Variants in NGF observed in about 807,000 individuals in gnomAD.
The protein encoded by NGF is nerve growth factor, also known as beta-nerve growth factor.
Under a neutral mutation model 12.8 loss-of-function variants are expected in NGF, and 4 were observed. The ratio of observed to expected loss-of-function variants is 0.31; its 90% CI spans 0.15 to 0.72. NGF has a LOEUF of 0.72. Among genes scored for constraint, NGF ranks in the 30% least tolerant of loss-of-function variants. The pLI is 0.69. For synonymous variants in NGF, 140 were observed against 130.0 expected, an observed-to-expected ratio of 1.08 and a Z score of -0.52; for missense variants, 283 against 330.8, an observed-to-expected ratio of 0.86 and a Z score of 1.12.
At chr1:115,290,954 T>G (rs1049030036) in intron 2 of NGF, among the ~76,000 whole-genome samples, 1 of 152,218 alleles carries the variant, frequency 6.6e-6, no homozygotes, top group Non-Finnish European at 1.5e-5. Context: ...ATTCTTTCAT[T>G]TCAGGTAATT....
rs151108144 is a variant in NGF at position 115,302,140 on chromosome 1, C to G, written c.-136-8390G>C. On this transcript the variant is annotated intron_variant, in intron 1 of 2. Coordinates refer to ENST00000369512, the MANE Select transcript of NGF (RefSeq NM_002506.3). ...GCCAGTTTATTCAACCCAAGTAAAT[C>G]ATTATTTCATGTTATACTGGGAAAT... 6.3e-4 allele frequency among the ~76,000 whole-genome samples: 96 copies of G among 152,184 alleles called. No individual in the cohort carries two copies. The Middle Eastern group carries it at 0.01, about 16-fold the overall frequency.
intron 1 of NGF, among the ~76,000 whole-genome samples, chr1:115,314,815 A>G (rs1482759102): frequency 6.6e-6 from 1 of 152,202 alleles, no homozygotes; most frequent in East Asian, 1.9e-4. Flanking sequence ...ATTCTCGTGG[A>G]GGTGGACAGA....
chr1:115,317,549 C>CCA (rs1654504805), intron 1 of NGF, among the ~76,000 whole-genome samples: 1 of 152,154 alleles, frequency 6.6e-6, no homozygotes, highest in African/African-American at 2.4e-5. Flanking sequence ...GGAATTCCTC[C>CCA]CACACATGGA....
At chr1:115,315,636 C>T (rs1407461834) in intron 1 of NGF, among the ~76,000 whole-genome samples, 1 of 151,996 alleles carries the variant, frequency 6.6e-6, no homozygotes, top group East Asian at 1.9e-4. Flanking sequence ...ATTTGAGATA[C>T]CTTATATTGG....
chr1:115,297,242 C>G (rs1336165779), intron 1 of NGF, among the ~76,000 whole-genome samples: 1 of 152,230 alleles, frequency 6.6e-6, no homozygotes, highest in Non-Finnish European at 1.5e-5. Flanking sequence ...CTGATAGTCA[C>G]ATAAGTTTAA....
chr1:115,321,928 C>T (rs10442682), intron 1 of NGF, among the ~76,000 whole-genome samples: 91,444 of 152,062 alleles, frequency 0.6, 29,207 homozygotes, highest in Non-Finnish European at 0.72. Context: ...ACAGTGAGGA[C>T]GCAGTCATAC....
intron 1 of NGF, among the ~76,000 whole-genome samples, chr1:115,307,664 C>T (rs1397638009): frequency 6.6e-6 from 1 of 152,228 alleles, no homozygotes; most frequent in Non-Finnish European, 1.5e-5. Flanking sequence ...TCTGGTAGTC[C>T]TACAAGATTA....
intron 1 of NGF, among the ~76,000 whole-genome samples, chr1:115,325,147 G>A (rs1033465584): frequency 6.6e-6 from 1 of 151,868 alleles, no homozygotes. Flanking sequence ...GTGAAGATCT[G>A]TGGGTAGGAG....
At chr1:115,293,022 A>G (rs1248295353) in intron 2 of NGF, among the ~76,000 whole-genome samples, 10 of 152,136 alleles carry the variant, frequency 6.6e-5, no homozygotes, top group African/African-American at 9.7e-5. Flanking sequence ...ATACCTTGAC[A>G]TGAATGAGCT....
At chr1:115,331,871 T>G (rs527453510) in intron 1 of NGF, among the ~76,000 whole-genome samples, 1 of 152,344 alleles carries the variant, frequency 6.6e-6, no homozygotes, top group East Asian at 1.9e-4. Context: ...GGTAGCATAT[T>G]AATAAGGATG....
At chr1:115,311,978 C>A (rs1466559255) in intron 1 of NGF, among the ~76,000 whole-genome samples, 1 of 152,194 alleles carries the variant, frequency 6.6e-6, no homozygotes, top group East Asian at 1.9e-4. Flanking sequence ...GCTAAATGTT[C>A]ACTTGATTCC....
At chr1:115,337,267 G>GTTTGTTTTTTTGTTTT in intron 1 of NGF, among the ~76,000 whole-genome samples, 1 of 81,030 alleles carries the variant, frequency 1.2e-5, no homozygotes, top group Non-Finnish European at 2.3e-5. Context: ...TTTTGTTTTT[G>GTTTGTTTTTTTGTTTT]TTTTTTTTTT....
chr1:115,289,821 A>T (rs1653627545), intron 2 of NGF, among the ~76,000 whole-genome samples: 1 of 151,972 alleles, frequency 6.6e-6, no homozygotes, highest in Admixed American at 6.5e-5. Context: ...CACTAGCTCC[A>T]TACCTCTGCT....
At chr1:115,326,732 C>A (rs1654789046) in intron 1 of NGF, among the ~76,000 whole-genome samples, 1 of 152,078 alleles carries the variant, frequency 6.6e-6, no homozygotes, top group Non-Finnish European at 1.5e-5. Context: ...TGCTCAATAC[C>A]AGGGCAAGTG....
At chr1:115,314,358 T>A (rs977910392) in intron 1 of NGF, among the ~76,000 whole-genome samples, 1 of 152,200 alleles carries the variant, frequency 6.6e-6, no homozygotes, top group African/African-American at 2.4e-5. Flanking sequence ...GTTTTCCTCA[T>A]CACACAAAGC....
At chr1:115,330,321 A>G (rs1375049362) in intron 1 of NGF, among the ~76,000 whole-genome samples, 2 of 152,230 alleles carry the variant, frequency 1.3e-5, no homozygotes, top group Admixed American at 6.5e-5. Context: ...TCAGGCACTG[A>G]CTGCTAATAT....
chr1:115,321,651 G>C (rs981148020), intron 1 of NGF, among the ~76,000 whole-genome samples: 14 of 151,020 alleles, frequency 9.3e-5, no homozygotes, highest in African/African-American at 3.2e-4. Flanking sequence ...GCAGATGATA[G>C]AGCATGCAGG....
At chr1:115,299,787 A>C (rs1653978902) in intron 1 of NGF, among the ~76,000 whole-genome samples, 1 of 152,170 alleles carries the variant, frequency 6.6e-6, no homozygotes. Flanking sequence ...CAACTGGCTA[A>C]TCCTTAAACC....
chr1:115,294,839 G>A (rs910733385), intron 1 of NGF, among the ~76,000 whole-genome samples: 1 of 152,210 alleles, frequency 6.6e-6, no homozygotes, highest in African/African-American at 2.4e-5. Flanking sequence ...GAGCCAGGAA[G>A]AGCCAGGTCT....
Sources: gnomAD v4.1 joint callset for allele counts (sites outside exome capture counted in the v4.1 genomes callset) on GRCh38, gnomAD v4.1.1 for gene constraint, MANE v1.5 for transcripts, NCBI Gene and HGNC (gene_info 2026-07-23, HGNC 2026-07-21) for gene names.